KCNK5: variants seen among roughly 807,000 people sequenced by gnomAD.
The protein encoded by KCNK5 is potassium channel subfamily K member 5.
Under a neutral mutation model 32.9 loss-of-function variants are expected in KCNK5, and 18 were observed. The observed-to-expected ratio is 0.55, with a 90% CI of 0.38 to 0.81. The LOEUF (loss-of-function observed/expected upper bound fraction) is 0.81. Ranked by LOEUF, KCNK5 falls within the 30% of genes least tolerant of loss-of-function variation. The probability of loss-of-function intolerance (pLI) is 0.00; values close to 1 mark genes in which losing one functional copy is unlikely to be tolerated. For synonymous variants in KCNK5, 276 were observed against 275.3 expected (o/e 1.00, Z -0.03); for missense variants, 507 against 651.0 (o/e 0.78, Z 2.41).
At chr6:39,209,015 C>T (rs1771279757) in intron 1 of KCNK5, among the ~76,000 whole-genome samples, 2 of 151,948 alleles carry the variant, frequency 1.3e-5, no homozygotes, top group African/African-American at 4.8e-5. Flanking sequence ...TGCTGGAACC[C>T]GGGAGATGGA....
intron 1 of KCNK5, among the ~76,000 whole-genome samples, chr6:39,201,861 G>T (rs1167754807): frequency 6.6e-6 from 1 of 152,190 alleles, no homozygotes. Context: ...TTAGTTTAAA[G>T]TATTACTACC....
chr6:39,222,358 G>T (rs1357313697), intron 1 of KCNK5, among the ~76,000 whole-genome samples: 1 of 152,086 alleles, frequency 6.6e-6, no homozygotes, highest in East Asian at 1.9e-4. Context: ...GAAGGAGGGG[G>T]TGTCCTTATC....
chr6:39,223,187 C>A (rs1432310502), intron 1 of KCNK5, among the ~76,000 whole-genome samples: 2 of 152,178 alleles, frequency 1.3e-5, no homozygotes, highest in African/African-American at 4.8e-5. Flanking sequence ...TGGCAGCTAA[C>A]ACTTAGTGAG....
In KCNK5 at chr6:39,191,211, G is replaced by A. The variant is rs1583702042; in HGVS notation, c.1179C>T (p.Asn393=). The change falls in exon 5 of 5, where the codon AAC becomes AAT. Residue 393 remains asparagine, a synonymous_variant. Coordinates refer to ENST00000359534, the MANE Select transcript of KCNK5 (RefSeq NM_003740.4). This position sits in a 1 kb window ranked among gnomAD's most constrained non-coding sequence, Gnocchi z 5.8. The stretch of plus-strand genomic sequence containing the variant: ...ATTCCTCGCTGATGCGGTCCAGCTG[G>A]TTCATGAACACCTCGGGGGCAGGGG... The part of the protein sequence containing the change: ...DSSPAPEVFM[N]QLDRISEECE... The A allele has an allele frequency of 6.2e-7, 1 of 1,614,198 alleles. No homozygotes were observed. Among genetic ancestry groups the A allele is most frequent in the Middle Eastern group, 1.6e-4 (1 of 6,062 alleles).
intron 1 of KCNK5, among the ~76,000 whole-genome samples, chr6:39,208,727 G>C (rs983427472): frequency 6.6e-6 from 1 of 152,252 alleles, no homozygotes; most frequent in African/African-American, 2.4e-5. Flanking sequence ...AACCCCACCA[G>C]AAGACTGAGT....
intron 1 of KCNK5, among the ~76,000 whole-genome samples, chr6:39,210,391 C>T (rs554693285): frequency 3.9e-5 from 6 of 152,260 alleles, no homozygotes; most frequent in South Asian, 4.2e-4. Context: ...AGGGGGTTCT[C>T]GTCACCTTCA....
chr6:39,191,296 T>A lies in KCNK5; in HGVS notation c.1094A>T (p.Lys365Ile), dbSNP rs41273124. The change falls in exon 5 of 5, where the codon AAA (lysine) becomes ATA (isoleucine). Residue 365 changes from lysine to isoleucine, a missense_variant. Around this residue, in one of 6 missense-constraint regions of KCNK5, gnomAD observed 252 missense variants for 250.8 expected, o/e 1.00. Transcript: ENST00000359534. The surrounding 1 kb of genome is among the most constrained non-coding windows in gnomAD (Gnocchi z 5.8). ...ATCTGGGGACCTTGATACGTGGCCT[T>A]TGCTCCTCAGTGTCTGTGACACCTC... ...LEEVSQTLRS[K>I]GHVSRSPDEE... The A allele has an allele frequency of 2.6e-3, 4,219 of 1,614,036 alleles. 7 individuals are homozygous for A. The highest frequency in any genetic ancestry group is 3.3e-3 in the Non-Finnish European group (3,911 of 1,180,014).
intron 1 of KCNK5, among the ~76,000 whole-genome samples, chr6:39,201,280 C>T (rs1307980393): frequency 2.0e-5 from 3 of 148,480 alleles, no homozygotes; most frequent in Admixed American, 6.8e-5. Flanking sequence ...CGATGAGAGT[C>T]TCACTCTGTT....
intron 1 of KCNK5, among the ~76,000 whole-genome samples, chr6:39,214,908 C>A (rs1194850217): frequency 6.6e-6 from 1 of 152,210 alleles, no homozygotes; most frequent in South Asian, 2.1e-4. Context: ...CCACCAACCC[C>A]AAAGGCAGAA....
Position 39,194,609 on chromosome 6 carries a change from C to G in KCNK5, c.450G>C (p.Lys150Asn). 1 of 1,614,158 alleles carries G rather than the reference C, an allele frequency of 6.2e-7. No homozygotes were observed. Among genetic ancestry groups the G allele is most frequent in the Non-Finnish European group, 8.5e-7 (1 of 1,180,014 alleles). ...RAKRLGQFLT[K>N]RGVSLRKAQI... Reference sequence around the variant, plus strand: ...GGGGACATACCAGACTCACACCTCTCTTGGTAAGGAACTGCCCTAGTCTCT... The same window carrying G: ...GGGGACATACCAGACTCACACCTCTGTTGGTAAGGAACTGCCCTAGTCTCT... The change falls in exon 3 of 5, where the codon AAG becomes AAC. Residue 150 changes from lysine to asparagine, a missense_variant. Coordinates refer to ENST00000359534, the MANE Select transcript of KCNK5 (RefSeq NM_003740.4). The surrounding 1 kb of genome is among the most constrained non-coding windows in gnomAD (Gnocchi z 4.7).
chr6:39,192,198 G>T (rs896333448), intron 4 of KCNK5, among the ~76,000 whole-genome samples: 2 of 140,326 alleles, frequency 1.4e-5, no homozygotes, highest in African/African-American at 5.2e-5. Flanking sequence ...CAGGAGAACT[G>T]CTTGAACCCG....
chr6:39,195,043 G>A (rs1242293502), intron 2 of KCNK5, among the ~76,000 whole-genome samples: 2 of 152,172 alleles, frequency 1.3e-5, no homozygotes, highest in Non-Finnish European at 2.9e-5. Context: ...CACTGTGCAA[G>A]TTATAAGACA....
chr6:39,207,394 T>C (rs1460255878), intron 1 of KCNK5, among the ~76,000 whole-genome samples: 2 of 152,166 alleles, frequency 1.3e-5, no homozygotes, highest in Non-Finnish European at 2.9e-5. Flanking sequence ...TATTTGCCAA[T>C]GAATGACTGA....
At chr6:39,211,934 A>C (rs1359144844) in intron 1 of KCNK5, among the ~76,000 whole-genome samples, 1 of 152,056 alleles carries the variant, frequency 6.6e-6, no homozygotes, top group Non-Finnish European at 1.5e-5. Flanking sequence ...ATTGCATTCC[A>C]GCCTGGACAA....
chr6:39,204,354 G>A (rs1771185896), intron 1 of KCNK5, among the ~76,000 whole-genome samples: 1 of 152,240 alleles, frequency 6.6e-6, no homozygotes, highest in Non-Finnish European at 1.5e-5. Flanking sequence ...ATCTTTGATT[G>A]CTTTGCCTGC....
At chr6:39,209,421 G>A (rs1771288670) in intron 1 of KCNK5, among the ~76,000 whole-genome samples, 1 of 152,154 alleles carries the variant, frequency 6.6e-6, no homozygotes, top group South Asian at 2.1e-4. Flanking sequence ...CCAGCCAACT[G>A]GGGCGTGGGA....
chr6:39,228,909 T>A lies in KCNK5; in HGVS notation c.186+17A>T, dbSNP rs1346324238. On this transcript the variant is annotated intron_variant, in intron 1 of 4. Coordinates refer to ENST00000359534, the MANE Select transcript of KCNK5 (RefSeq NM_003740.4). ...AGCCAGCTTCAGATGTATATGGGGG[T>A]ACAGGCGGCGACTGACCTCTAGGAT... 1 of 1,613,110 alleles carries A rather than the reference T, an allele frequency of 6.2e-7. No homozygotes were observed.
At position 39,194,578 on chromosome 6, in the gene KCNK5, AG is replaced by A; in HGVS notation, c.465+15del. On this transcript the variant is annotated intron_variant, in intron 3 of 4. Coordinates refer to ENST00000359534, the MANE Select transcript of KCNK5 (RefSeq NM_003740.4). The surrounding 1 kb of genome is among the most constrained non-coding windows in gnomAD (Gnocchi z 4.7). ...GTTCCCCCATCTCTGCCCAACACCCAGGGTAGGGGACATACCAGACTCACAC... is the reference window on the plus strand; with the variant it reads ...GTTCCCCCATCTCTGCCCAACACCCAGGTAGGGGACATACCAGACTCACAC... The A allele has an allele frequency of 6.2e-7, 1 of 1,613,114 alleles. No homozygotes were observed. Among genetic ancestry groups the A allele is most frequent in the Non-Finnish European group, 8.5e-7 (1 of 1,179,376 alleles).
Position 39,229,292 on chromosome 6 carries a change from G to A in KCNK5, c.-181C>T, listed in dbSNP as rs1316743318. The A allele has an allele frequency of 2.8e-6, 2 of 706,154 alleles. No homozygotes were observed. The highest frequency in any genetic ancestry group is 4.6e-6 in the Non-Finnish European group (2 of 435,966). The allele number at this position is 706,154 out of a possible 1,614,324, so 43.7% of individuals were successfully genotyped here. ...GAGTTGCTTGGCCAAGTTGGCCCAC[G>A]GAGTGCGGGGAGCTGCGTGGGGCCC... is the stretch of plus-strand genomic sequence containing the variant. On this transcript the variant is annotated 5_prime_UTR_variant, in exon 1 of 5. Transcript: ENST00000359534.
Sources: gnomAD v4.1 joint callset for allele counts (sites outside exome capture counted in the v4.1 genomes callset) on GRCh38, gnomAD v4.1.1 for gene constraint, gnomAD v4.1.1 regional missense constraint, Gnocchi (gnomAD v3.1) non-coding constraint, MANE v1.5 for transcripts, NCBI Gene and HGNC (gene_info 2026-07-23, HGNC 2026-07-21) for gene names.